Variants in ANKRD11 observed in about 807,000 individuals in gnomAD.
The protein encoded by ANKRD11 is ankyrin repeat domain-containing protein 11.
ANKRD11 carries 17 observed loss-of-function variants against 195.7 expected under a neutral mutation model. The observed-to-expected ratio is 0.09, with a 90% CI of 0.06 to 0.13. The LOEUF (loss-of-function observed/expected upper bound fraction) is 0.13, where lower values mean the gene tolerates loss of function less well. Ranked by LOEUF, ANKRD11 falls within the 10% of genes least tolerant of loss-of-function variation. The probability of loss-of-function intolerance (pLI) is 1.00; values close to 1 mark genes in which losing one functional copy is unlikely to be tolerated. For synonymous variants in ANKRD11, 1,953 were observed against 1,528.1 expected, an observed-to-expected ratio of 1.28 and a Z score of -6.49; for missense variants, 3,735 against 3,566.1, an observed-to-expected ratio of 1.05 and a Z score of -1.21.
intron 2 of ANKRD11, among the ~76,000 whole-genome samples, chr16:89,340,844 G>A (rs1033265705): frequency 6.6e-6 from 1 of 152,188 alleles, no homozygotes; most frequent in Admixed American, 6.5e-5. Flanking sequence ...CCTGGGGAGA[G>A]GATGCACAGC....
At chr16:89,312,218 C>T (rs1477045810) in intron 3 of ANKRD11, among the ~76,000 whole-genome samples, 5 of 152,188 alleles carry the variant, frequency 3.3e-5, no homozygotes, top group Admixed American at 6.5e-5. Context: ...ACTTCTTAAA[C>T]GTGATGTGAG....
At chr16:89,490,123 C>G (rs1597581837) in intron 1 of ANKRD11, 122 bp downstream of exon 1, 1 of 149,106 alleles carries the variant, frequency 6.7e-6, no homozygotes, top group East Asian at 2.0e-4. Context: ...CCCCGACCCC[C>G]CAGGCCCGCC....
chr16:89,317,403 G>A (rs1011369009), intron 2 of ANKRD11, among the ~76,000 whole-genome samples: 9 of 152,158 alleles, frequency 5.9e-5, no homozygotes, highest in Non-Finnish European at 1.3e-4. Flanking sequence ...GTCCCACCTG[G>A]TACAGGCTAC....
chr16:89,490,456 C>T lies in ANKRD11; in HGVS notation c.-356G>A. On this transcript the variant is annotated 5_prime_UTR_variant, in exon 1 of 13. Coordinates refer to ENST00000301030, the MANE Select transcript of ANKRD11 (RefSeq NM_013275.6). ...CCCACGGCTCGGGCGAGAGCCGCGG[C>T]TCCCGGTGCGGACGCTACTGATGGG... 2.6e-6 allele frequency: 1 copy of T among 377,990 alleles called. No homozygotes were observed. Among genetic ancestry groups the T allele is most frequent in the East Asian group, 4.0e-5 (1 of 24,756 alleles). The allele number at this position is 377,990 out of a possible 1,614,324, so 23.4% of individuals were successfully genotyped here.
rs775542057 is a variant in ANKRD11, at chr16:89,490,511, C to G, written c.-411G>C. ...CTGGCCGCGGGCTCGGCGGCGGCGCCTCCCCGGCTGGGGCCCTCGGTCCAT... is the reference window on the plus strand; with the variant it reads ...CTGGCCGCGGGCTCGGCGGCGGCGCGTCCCCGGCTGGGGCCCTCGGTCCAT... On this transcript the variant is annotated 5_prime_UTR_variant, in exon 1 of 13. Transcript: ENST00000301030. 2.1e-6 allele frequency: 1 copy of G among 470,794 alleles called. No individual in the cohort carries two copies. The highest frequency in any genetic ancestry group is 3.4e-5 in the South Asian group (1 of 29,812). The allele number at this position is 470,794 out of a possible 1,614,324, so 29.2% of individuals were successfully genotyped here.
chr16:89,337,380 T>A lies in ANKRD11; in HGVS notation c.-59-20302A>T, dbSNP rs1449957842. 2.0e-5 allele frequency among the ~76,000 whole-genome samples: 3 copies of A among 150,508 alleles called. No homozygotes were observed. The East Asian group carries it at 5.9e-4, about 30-fold the overall frequency. ...TTTGCCATCAGACACTCACAGTTTTTGTCACTGTTAACCCTACTGCACAAT... is the reference window on the plus strand; with the variant it reads ...TTTGCCATCAGACACTCACAGTTTTAGTCACTGTTAACCCTACTGCACAAT... On this transcript the variant is annotated intron_variant, in intron 2 of 12. Transcript: ENST00000301030.
intron 9 of ANKRD11, chr16:89,278,774 G>A (rs748136230): frequency 1.7e-6 from 1 of 592,432 alleles, no homozygotes; most frequent in Non-Finnish European, 3.2e-6. Flanking sequence ...AGTGAGCGGC[G>A]TGAAGGGGGA....
At chr16:89,300,871 T>A in intron 4 of ANKRD11, 1 of 702,170 alleles carries the variant, frequency 1.4e-6, no homozygotes. Flanking sequence ...CAAAGAAACA[T>A]CCACGTGCAG....
At chr16:89,316,835 G>T in intron 3 of ANKRD11, 98 bp downstream of exon 3, 1 of 1,420,904 alleles carries the variant, frequency 7.0e-7, no homozygotes. Context: ...GAAAGGGCCG[G>T]AGGGCGGAGA....
intron 1 of ANKRD11, among the ~76,000 whole-genome samples, chr16:89,479,360 C>G (rs2057363831): frequency 6.6e-6 from 1 of 152,090 alleles, no homozygotes; most frequent in African/African-American, 2.4e-5. Context: ...AGGCCTGGCG[C>G]AGTGGCTCAC....
chr16:89,464,719 C>T (rs1421477197), intron 1 of ANKRD11, among the ~76,000 whole-genome samples: 2 of 151,634 alleles, frequency 1.3e-5, no homozygotes, highest in African/African-American at 4.8e-5. Flanking sequence ...GAATTAAGCA[C>T]CTAAATTAAC....
intron 2 of ANKRD11, among the ~76,000 whole-genome samples, chr16:89,376,860 C>T (rs563490348): frequency 2.0e-5 from 3 of 152,322 alleles, no homozygotes; most frequent in Admixed American, 1.3e-4. Context: ...AAGGGATAAG[C>T]TAATGCTACT....
At chr16:89,393,334 G>A (rs776471035) in intron 2 of ANKRD11, among the ~76,000 whole-genome samples, 11 of 142,708 alleles carry the variant, frequency 7.7e-5, no homozygotes, top group African/African-American at 1.3e-4. Flanking sequence ...TTTTTGAGAC[G>A]GAGGCTTGCT....
At chr16:89,413,549 C>A (rs1023990976) in intron 2 of ANKRD11, among the ~76,000 whole-genome samples, 1 of 152,072 alleles carries the variant, frequency 6.6e-6, no homozygotes, top group Admixed American at 6.6e-5. Context: ...GGCGTGAACC[C>A]GGGAGGCGGA....
chr16:89,394,877 T>C (rs2041357153), intron 2 of ANKRD11, among the ~76,000 whole-genome samples: 2 of 152,196 alleles, frequency 1.3e-5, no homozygotes, highest in African/African-American at 4.8e-5. Flanking sequence ...GCAGGTTGGC[T>C]GTAGCACTGT....
At chr16:89,290,125 G>C (rs933207550) in intron 6 of ANKRD11, among the ~76,000 whole-genome samples, 6 of 152,264 alleles carry the variant, frequency 3.9e-5, no homozygotes, top group African/African-American at 1.4e-4. Flanking sequence ...AACCCCACTG[G>C]AGTGAGTGTG....
intron 1 of ANKRD11, among the ~76,000 whole-genome samples, chr16:89,426,566 C>CACACACAA (rs3219947): frequency 4.0e-5 from 6 of 151,296 alleles, no homozygotes; most frequent in Non-Finnish European, 8.8e-5. Flanking sequence ...CACACACACA[C>CACACACAA]AAATCTGAAA....
At chr16:89,336,664 G>A (rs537289751) in intron 2 of ANKRD11, among the ~76,000 whole-genome samples, 3 of 152,318 alleles carry the variant, frequency 2.0e-5, no homozygotes, top group East Asian at 1.9e-4. Flanking sequence ...GGTGGGCCAC[G>A]ACAGGGAGCA....
chr16:89,286,712 C>G (rs2151772806), intron 7 of ANKRD11: 1 of 1,266,308 alleles, frequency 7.9e-7, no homozygotes, highest in East Asian at 5.6e-5. Flanking sequence ...AAAATAATCT[C>G]TCCCTTGCTT....
Sources: allele counts gnomAD v4.1 joint callset (sites outside exome capture counted in the v4.1 genomes callset), GRCh38; gene constraint gnomAD v4.1.1; transcripts MANE v1.5; gene names NCBI Gene and HGNC (gene_info 2026-07-23, HGNC 2026-07-21).